ETV5: variants seen among roughly 807,000 people sequenced by gnomAD.
ETV5 encodes the protein ETS variant transcription factor 5.
Under a neutral mutation model 70.0 loss-of-function variants are expected in ETV5, and 10 were observed. That is an observed-to-expected ratio of 0.14 (90% confidence interval 0.09 to 0.24). The LOEUF (loss-of-function observed/expected upper bound fraction) is 0.24. ETV5 is among the 10% of genes least tolerant of loss of function. The probability of loss-of-function intolerance (pLI) is 1.00; values close to 1 mark genes in which losing one functional copy is unlikely to be tolerated. For missense variants in ETV5, 453 were observed against 651.2 expected (o/e 0.70, Z 3.31); for synonymous variants, 216 against 242.2 (o/e 0.89, Z 1.01).
Position 186,047,861 on chromosome 3 carries a change from AAAC to A in ETV5, c.*775_*777del, listed in dbSNP as rs1179993278. 4.3e-6 allele frequency: 1 copy of A among 233,534 alleles called. No homozygotes were observed. The highest frequency in any genetic ancestry group is 5.6e-5 in the Admixed American group (1 of 17,766). 14.5% of individuals were successfully genotyped at this position (233,534 alleles called of 1,614,324 possible). On this transcript the variant is annotated 3_prime_UTR_variant, in exon 13 of 13. Coordinates refer to ENST00000306376, the MANE Select transcript of ETV5 (RefSeq NM_004454.3). ...AATCAGTTTATAAACTGTTTTTCCA[AAAC>A]AACCACCAAAACAAAACAATCCCCC...
intron 5 of ETV5, among the ~76,000 whole-genome samples, chr3:186,097,530 C>T (rs1388809485): frequency 1.3e-5 from 2 of 152,166 alleles, no homozygotes; most frequent in African/African-American, 2.4e-5. Context: ...CAAGTCTCAA[C>T]ACCTCCCTCT....
intron 7 of ETV5, among the ~76,000 whole-genome samples, chr3:186,074,859 CA>C (rs747453303): frequency 0.058 from 4,415 of 76,510 alleles, 33 homozygotes; most frequent in African/African-American, 0.1. Context: ...ACTCTGTCTC[CA>C]AAAAAAAAAA....
Position 186,105,994 on chromosome 3 carries a change from G to C in ETV5, c.-74-52C>G. 5.9e-6 allele frequency: 8 copies of C among 1,362,860 alleles called. No individual in the cohort carries two copies. The highest frequency in any genetic ancestry group is 8.2e-6 in the Non-Finnish European group (8 of 980,940). The allele number at this position is 1,362,860 out of a possible 1,614,324, so 84.4% of individuals were successfully genotyped here. On this transcript the variant is annotated intron_variant, in intron 1 of 12. Transcript: ENST00000306376. The surrounding 1 kb of genome is among the most constrained non-coding windows in gnomAD (Gnocchi z 4.5). ...ACTAAGAGGGGGGAAAAAAAGAAAT[G>C]AAACAATTTTAGACTGCCTTTTTTT...
At chr3:186,060,147 G>C (rs142787977) in intron 9 of ETV5, among the ~76,000 whole-genome samples, 10 of 152,224 alleles carry the variant, frequency 6.6e-5, no homozygotes, top group African/African-American at 1.9e-4. Flanking sequence ...TCAAGTTTAC[G>C]TATCTGTCAA....
intron 5 of ETV5, among the ~76,000 whole-genome samples, chr3:186,092,532 A>C (rs771186802): frequency 1.1e-4 from 17 of 152,100 alleles, no homozygotes; most frequent in South Asian, 8.3e-4. Flanking sequence ...TTCTGGACTC[A>C]AGCGAGCTTC....
rs1432945897 is a variant in ETV5 at position 186,105,929 on chromosome 3, GA to G, written c.-62del. Reference sequence around the variant, plus strand: ...TTTCAGCATTGAGTAATTTCTGGGGGAAAAGGGATCCTCCTGTAATATGAAT... The same window carrying G: ...TTTCAGCATTGAGTAATTTCTGGGGGAAAGGGATCCTCCTGTAATATGAAT... On this transcript the variant is annotated 5_prime_UTR_variant, in exon 2 of 13. Transcript: ENST00000306376. This position sits in a 1 kb window ranked among gnomAD's most constrained non-coding sequence, Gnocchi z 4.5. The G allele has an allele frequency of 2.5e-6, 4 of 1,594,356 alleles. No homozygotes were observed. The highest frequency in any genetic ancestry group is 3.4e-6 in the Non-Finnish European group (4 of 1,168,134).
chr3:186,053,993 T>TC (rs1713096633), intron 11 of ETV5, among the ~76,000 whole-genome samples: 1 of 152,248 alleles, frequency 6.6e-6, no homozygotes, highest in African/African-American at 2.4e-5. Context: ...TGAATATTCT[T>TC]CAACTTCAGC....
At position 186,048,034 on chromosome 3, in the gene ETV5, A is replaced by G; in HGVS notation, c.*605T>C. The G allele has an allele frequency of 4.3e-6, 1 of 233,466 alleles. No homozygotes were observed. Among genetic ancestry groups the G allele is most frequent in the African/African-American group, 2.2e-5 (1 of 45,450 alleles). The allele number at this position is 233,466 out of a possible 1,614,324, so 14.5% of individuals were successfully genotyped here. Reference sequence around the variant, plus strand: ...ACATGGCCGGGTGGTTCCCAAGAGTAGCCATGGTTTATGATTTTGAGAACC... The same window carrying G: ...ACATGGCCGGGTGGTTCCCAAGAGTGGCCATGGTTTATGATTTTGAGAACC... On this transcript the variant is annotated 3_prime_UTR_variant, in exon 13 of 13. Coordinates refer to ENST00000306376, the MANE Select transcript of ETV5 (RefSeq NM_004454.3).
At chr3:186,066,141 GGACTA>G (rs944808998) in intron 7 of ETV5, 69 bp from the exon 8 acceptor site, 1 of 1,371,630 alleles carries the variant, frequency 7.3e-7, no homozygotes, top group South Asian at 1.6e-5. Flanking sequence ...TGAGCACTGG[GGACTA>G]GAAGTTCCAA....
chr3:186,105,840 G>A lies in ETV5; in HGVS notation c.29C>T (p.Pro10Leu). 1 of 1,614,008 alleles carries A rather than the reference G, an allele frequency of 6.2e-7. No homozygotes were observed. The highest frequency in any genetic ancestry group is 8.5e-7 in the Non-Finnish European group (1 of 1,179,920). Reference protein sequence around the residue: MDGFYDQQVPFMVPGKSRSE... With the variant: MDGFYDQQVLFMVPGKSRSE... ...TAAACTTACCCCTGGGACCATAAAA[G>A]GGACTTGCTGATCATAAAACCCGTC... is the stretch of plus-strand genomic sequence containing the variant. The change falls in exon 2 of 13, where the codon CCT becomes CTT. Residue 10 changes from proline to leucine, a missense_variant. By Grantham distance (98) the Pro-to-Leu change is moderately conservative. This residue lies in a region of ETV5 where 47 missense variants were observed against 96.8 expected (regional missense o/e 0.49). Transcript: ENST00000306376. The surrounding 1 kb of genome is among the most constrained non-coding windows in gnomAD (Gnocchi z 4.5).
chr3:186,066,262 C>CAAAAAAAAAAAAAAA (rs10681607), intron 7 of ETV5, among the ~76,000 whole-genome samples, 190 bp from the exon 8 acceptor site: 22 of 94,870 alleles, frequency 2.3e-4, no homozygotes, highest in Non-Finnish European at 3.3e-4. Flanking sequence ...CAGGAAGTGG[C>CAAAAAAAAAAAAAAA]AAAAAAAAAA....
chr3:186,064,244 G>A (rs890423594), intron 9 of ETV5, 173 bp downstream of exon 9: 4 of 633,644 alleles, frequency 6.3e-6, no homozygotes, highest in Non-Finnish European at 1.1e-5. Flanking sequence ...AGCTAAGCAA[G>A]GTTTAAACTA....
At chr3:186,062,491 G>A (rs151159009) in intron 9 of ETV5, among the ~76,000 whole-genome samples, 2,888 of 152,208 alleles carry the variant, frequency 0.019, 93 homozygotes, top group African/African-American at 0.067. Flanking sequence ...GCGTGGTGGC[G>A]CGCGCCTGTA....
intron 5 of ETV5, chr3:186,084,121 C>A: frequency 2.4e-6 from 1 of 409,430 alleles, no homozygotes; most frequent in Non-Finnish European, 4.8e-6. Context: ...GCAGATGGTG[C>A]TATGATGTTG....
Position 186,047,379 on chromosome 3 carries a change from A to C in ETV5, c.*1260T>G, listed in dbSNP as rs964233950. The C allele has an allele frequency of 1.7e-5, 4 of 232,126 alleles. No individual in the cohort carries two copies. The highest frequency in any genetic ancestry group is 8.8e-5 in the African/African-American group (4 of 45,400). 14.4% of individuals were successfully genotyped at this position (232,126 alleles called of 1,614,324 possible). A position where few individuals can be genotyped will look rare whatever the true frequency, so the allele number is the denominator to read the frequency against. ...ATCACACAGGTAGGGTTTAAAGTCCAAGATTTAAAGAAAAAGGAAAACAAA... is the reference window on the plus strand; with the variant it reads ...ATCACACAGGTAGGGTTTAAAGTCCCAGATTTAAAGAAAAAGGAAAACAAA... On this transcript the variant is annotated 3_prime_UTR_variant, in exon 13 of 13. Transcript: ENST00000306376.
At chr3:186,078,459 CA>C (rs536656553) in intron 7 of ETV5, among the ~76,000 whole-genome samples, 23 of 152,112 alleles carry the variant, frequency 1.5e-4, no homozygotes, top group African/African-American at 5.5e-4. Flanking sequence ...GGCAGGCCTG[CA>C]GGGTGATTTT....
chr3:186,058,586 A>G (rs1332933368), intron 9 of ETV5, among the ~76,000 whole-genome samples: 1 of 152,204 alleles, frequency 6.6e-6, no homozygotes, highest in Non-Finnish European at 1.5e-5. Flanking sequence ...ATTCACTGCG[A>G]CTTAAAAAAT....
At chr3:186,058,219 G>A (rs1442963991) in intron 9 of ETV5, among the ~76,000 whole-genome samples, 1 of 152,230 alleles carries the variant, frequency 6.6e-6, no homozygotes, top group Non-Finnish European at 1.5e-5. Flanking sequence ...TGGCCTGACA[G>A]TCTTCATCCA....
At chr3:186,065,533 C>T (rs139468095) in intron 8 of ETV5, among the ~76,000 whole-genome samples, 82 of 152,300 alleles carry the variant, frequency 5.4e-4, no homozygotes, top group African/African-American at 1.8e-3. Context: ...TGAACCCCAA[C>T]ACTCTCCAGG....
Sources: gnomAD v4.1 joint callset for allele counts (sites outside exome capture counted in the v4.1 genomes callset) on GRCh38, gnomAD v4.1.1 for gene constraint, gnomAD v4.1.1 regional missense constraint, Gnocchi (gnomAD v3.1) non-coding constraint, MANE v1.5 for transcripts, NCBI Gene and HGNC (gene_info 2026-07-23, HGNC 2026-07-21) for gene names.